TMC6: variants seen among roughly 807,000 people sequenced by gnomAD.
The protein encoded by TMC6 is transmembrane channel like 6, also known as transmembrane channel-like protein 6.
In TMC6, 71 loss-of-function variants were observed where a neutral mutation model predicts 95.4. The ratio of observed to expected loss-of-function variants is 0.74; its 90% confidence interval spans 0.61 to 0.91. TMC6 has a LOEUF of 0.91. TMC6 is among the 40% of genes least tolerant of loss of function. The pLI is 0.00. For synonymous variants in TMC6, 514 were observed against 483.1 expected (o/e 1.06, Z -0.84); for missense variants, 1,074 against 1,079.1 (o/e 1.00, Z 0.07).
chr17:78,123,365 A>G (rs1245923663), intron 9 of TMC6, among the ~76,000 whole-genome samples: 1 of 150,808 alleles, frequency 6.6e-6, no homozygotes, highest in Non-Finnish European at 1.5e-5. Flanking sequence ...ATGGATGAAT[A>G]AATGTGTGGG....
At position 78,119,251 on chromosome 17, in the gene TMC6, A is replaced by G. The variant is rs201228373; in HGVS notation, c.1811+46T>C. The G allele has an allele frequency of 1.4e-3, 2,330 of 1,608,740 alleles. 15 individuals carry two copies. Among genetic ancestry groups the G allele is most frequent in the Non-Finnish European group, 1.3e-3 (1,571 of 1,175,792 alleles). On this transcript the variant is annotated intron_variant, in intron 14 of 19. Coordinates refer to ENST00000590602, the MANE Select transcript of TMC6 (RefSeq NM_001127198.5). ...ACAGGACCCCCGGGGGGAAAGGGGCACTGACCGAGGGGCCAGACAGTAGGA... is the reference window on the plus strand; with the variant it reads ...ACAGGACCCCCGGGGGGAAAGGGGCGCTGACCGAGGGGCCAGACAGTAGGA...
rs2073779465 is a variant in TMC6, at chr17:78,109,405, A to G, written c.*3743T>C. The G allele has an allele frequency of 2.2e-6, 1 of 456,182 alleles. No individual in the cohort carries two copies. Among genetic ancestry groups the G allele is most frequent in the Non-Finnish European group, 4.4e-6 (1 of 226,774 alleles). The allele number at this position is 456,182 out of a possible 1,614,324, so 28.3% of individuals were successfully genotyped here. On this transcript the variant is annotated 3_prime_UTR_variant, in exon 20 of 20. Transcript: ENST00000590602. Reference sequence around the variant, plus strand: ...GAAACAAAGCTGCTTAGCTCTGCATATCAGTGCTTCTCGGCGGAGCTGTGG... The same window carrying G: ...GAAACAAAGCTGCTTAGCTCTGCATGTCAGTGCTTCTCGGCGGAGCTGTGG...
intron 13 of TMC6, chr17:78,120,385 C>T (rs887102754): frequency 1.8e-6 from 1 of 546,416 alleles, no homozygotes; most frequent in Non-Finnish European, 3.5e-6. Flanking sequence ...GTCTCAAACT[C>T]CTGACCTCAG....
chr17:78,132,263 G>A, upstream of TMC6: 1 of 1,492,958 alleles, frequency 6.7e-7, no homozygotes, highest in East Asian at 2.4e-5. Context: ...AGCCTGGCGG[G>A]CACCCCACGC....
rs1281888452 is a variant in TMC6 at position 78,121,038 on chromosome 17, G to A, written c.1510C>T (p.Leu504=). Reference sequence around the variant, plus strand: ...CTGCAGATGGCCACGTACACCTCCAGTACCGGGGAGTCATGCGGCTCCAGG... The same window carrying A: ...CTGCAGATGGCCACGTACACCTCCAATACCGGGGAGTCATGCGGCTCCAGG... ...AALEPHDSPV[L]EVYVAICRNL... is the part of the protein sequence containing the mutation. Residue 504 remains leucine (L), a synonymous_variant, in exon 12 of 20, where the codon CTG becomes TTG. Coordinates refer to ENST00000590602, the MANE Select transcript of TMC6 (RefSeq NM_001127198.5). This position sits in a 1 kb window ranked among gnomAD's most constrained non-coding sequence, Gnocchi z 5.6. 6.2e-7 allele frequency: 1 copy of A among 1,613,370 alleles called. No homozygotes were observed. The highest frequency in any genetic ancestry group is 8.5e-7 in the Non-Finnish European group (1 of 1,180,020).
At chr17:78,119,502 G>A (rs572644714) in intron 13 of TMC6, 110 bp from the exon 14 acceptor site, 193 of 1,104,684 alleles carry the variant, frequency 1.7e-4, no homozygotes, top group South Asian at 1.3e-3. Context: ...CATCCTGGCC[G>A]TTCCACAGAT....
At chr17:78,119,195 G>A in intron 14 of TMC6, 102 bp downstream of exon 14, 1 of 1,536,988 alleles carries the variant, frequency 6.5e-7, no homozygotes, top group Non-Finnish European at 9.0e-7. Flanking sequence ...TCCATGGCCG[G>A]GCCTGGCTGT....
chr17:78,122,642 G>T lies in TMC6; in HGVS notation c.1190C>A (p.Ser397Tyr). ...GCGAATATTGTCCTGCTGGAGGCGG[G>T]AGGCCCGCTTCTGCGTCACCTTGTA... ...WDYKVTQKRA[S>Y]RLQQDNIRTR... The change falls in exon 10 of 20, where the codon TCC (serine) becomes TAC (tyrosine). Residue 397 changes from serine to tyrosine, a missense_variant. Transcript: ENST00000590602. The surrounding 1 kb of genome is among the most constrained non-coding windows in gnomAD (Gnocchi z 4.9). The T allele has an allele frequency of 6.2e-7, 1 of 1,612,120 alleles. No individual in the cohort carries two copies.
chr17:78,125,411 G>C (rs540492016), intron 5 of TMC6, 148 bp from the exon 6 acceptor site: 5 of 822,444 alleles, frequency 6.1e-6, no homozygotes, highest in South Asian at 5.8e-5. Context: ...CCAATCAGCC[G>C]TGTGTTTGCT....
At chr17:78,126,126 G>A (rs1237298630) in intron 4 of TMC6, 151 bp downstream of exon 4, 1 of 1,211,680 alleles carries the variant, frequency 8.3e-7, no homozygotes, top group Admixed American at 2.3e-5. Flanking sequence ...GGCAGCAGAT[G>A]GGATGGGCTA....
intron 13 of TMC6, chr17:78,119,746 C>T (rs914613511): frequency 5.0e-6 from 2 of 401,228 alleles, no homozygotes; most frequent in African/African-American, 4.2e-5. Flanking sequence ...GCAGTCCTCC[C>T]ACCTCAGCCT....
chr17:78,117,205 G>C lies in TMC6; in HGVS notation c.2277+64C>G. On this transcript the variant is annotated intron_variant, in intron 18 of 19. Coordinates refer to ENST00000590602, the MANE Select transcript of TMC6 (RefSeq NM_001127198.5). ...CAGGAGATGTACAGGGGAGTGGAGG[G>C]GAGCGTCACCCTCAGGTGACCTGAG... is the stretch of plus-strand genomic sequence containing the variant. 1.9e-6 allele frequency: 3 copies of C among 1,556,748 alleles called. No individual in the cohort carries two copies. In the South Asian group the frequency reaches 3.3e-5, roughly 17 times the overall value.
Position 78,124,595 on chromosome 17 carries a change from G to C in TMC6, c.820C>G (p.Gln274Glu). The C allele has an allele frequency of 5.0e-6, 8 of 1,612,318 alleles. No homozygotes were observed. The South Asian group carries it at 8.8e-5, about 18-fold the overall frequency. ...GGCAGGGCGGGTGGGAAGGCGACCT[G>C]AGGGCCCATGATGAAGGCCACCAGC... ...LLLVAFIMGP[Q>E]VAFPPALPGP... The change falls in exon 8 of 20, where the codon CAG becomes GAG. Residue 274 changes from glutamine to glutamate, a missense_variant. By Grantham distance (29) the Gln-to-Glu change is conservative. Coordinates refer to ENST00000590602, the MANE Select transcript of TMC6 (RefSeq NM_001127198.5).
At chr17:78,132,279 G>T, upstream of TMC6, 1 of 1,558,040 alleles carries the variant, frequency 6.4e-7, no homozygotes, top group East Asian at 2.3e-5. Flanking sequence ...CACGCCGTCC[G>T]GTGGGCCCGC....
rs1480605616 is a variant in TMC6 at position 78,125,230 on chromosome 17, C to A, written c.464G>T (p.Ser155Ile). The A allele has an allele frequency of 6.3e-7, 1 of 1,587,942 alleles. No homozygotes were observed. Among genetic ancestry groups the A allele is most frequent in the Non-Finnish European group, 8.6e-7 (1 of 1,166,504 alleles). Residue 155 changes from serine to isoleucine, a missense_variant, in exon 6 of 20, where the codon AGC becomes ATC. By Grantham distance (142) the Ser-to-Ile change is moderately radical. Coordinates refer to ENST00000590602, the MANE Select transcript of TMC6 (RefSeq NM_001127198.5). ...GTGGTCCCGCTGTGCCACTGCCAGG[C>A]TCTGGAGCTCCTTCACCAGGAGGCT... Reference protein sequence around the residue: ...KQSLLVKELQSLAVAQRDHML... With the variant: ...KQSLLVKELQILAVAQRDHML...
At chr17:78,123,204 C>T (rs1205715947) in intron 9 of TMC6, 1 of 312,954 alleles carries the variant, frequency 3.2e-6, no homozygotes, top group Non-Finnish European at 6.3e-6. Flanking sequence ...TGGGGAAACA[C>T]CACTAAGCCT....
intron 19 of TMC6, 69 bp downstream of exon 19, chr17:78,113,479 C>G (rs1406314355): frequency 6.4e-7 from 1 of 1,567,202 alleles, no homozygotes; most frequent in East Asian, 2.2e-5. Flanking sequence ...AGTGGCAGCC[C>G]TACTGTCCAG....
upstream of TMC6, among the ~76,000 whole-genome samples, chr17:78,130,049 G>A (rs898581387): frequency 6.6e-6 from 1 of 152,196 alleles, no homozygotes; most frequent in African/African-American, 2.4e-5. Context: ...GGGCCCTATA[G>A]CAGGTAGAGA....
intron 18 of TMC6, among the ~76,000 whole-genome samples, chr17:78,116,125 C>T (rs935890058): frequency 2.6e-5 from 4 of 151,890 alleles, no homozygotes; most frequent in Non-Finnish European, 5.9e-5. Context: ...TACAGGTGGA[C>T]GCCACCACGC....
Sources: gnomAD v4.1 joint callset for allele counts (sites outside exome capture counted in the v4.1 genomes callset) on GRCh38, gnomAD v4.1.1 for gene constraint, Gnocchi (gnomAD v3.1) non-coding constraint, MANE v1.5 for transcripts, NCBI Gene and HGNC (gene_info 2026-07-23, HGNC 2026-07-21) for gene names.